The following NUP155 variants were observed in gnomAD, a reference collection of about 807,000 sequenced individuals.
The protein encoded by NUP155 is nucleoporin 155.
A neutral mutation model predicts 180.4 loss-of-function variants in NUP155; 71 were observed. That is an observed-to-expected ratio of 0.39 (90% CI 0.33 to 0.48). The LOEUF (loss-of-function observed/expected upper bound fraction) is 0.48. NUP155 is among the 20% of genes least tolerant of loss of function. The pLI is 0.91. For missense variants in NUP155, 1,553 were observed against 1,648.9 expected (o/e 0.94, Z 1.01); for synonymous variants, 582 against 559.5 (o/e 1.04, Z -0.57).
rs1561759197 is a variant in NUP155, at chr5:37,289,073, TA to T, written c.*2826del. ...GCAACAAGAGCAAAACTCAGTCTCA[TA>T]AAAAAGGCTGTGGTGAGCCAAGATT... On this transcript the variant is annotated 3_prime_UTR_variant, in exon 35 of 35. Transcript: ENST00000231498. 6.4e-6 allele frequency: 1 copy of T among 155,256 alleles called. No individual in the cohort carries two copies. Among genetic ancestry groups the T allele is most frequent in the East Asian group, 1.9e-4 (1 of 5,296 alleles). 9.6% of individuals were successfully genotyped at this position (155,256 alleles called of 1,614,324 possible).
At chr5:37,351,424 T>C (rs1047562803) in intron 5 of NUP155, 68 bp from the exon 6 acceptor site, 1 of 1,102,274 alleles carries the variant, frequency 9.1e-7, no homozygotes, top group African/African-American at 1.6e-5. Flanking sequence ...CTTTGCATTA[T>C]CATCAGAATC....
At chr5:37,338,518 T>C (rs1051233501) in intron 11 of NUP155, among the ~76,000 whole-genome samples, 4 of 150,806 alleles carry the variant, frequency 2.7e-5, no homozygotes, top group African/African-American at 7.3e-5. Context: ...GTCATTCTCC[T>C]GCCTCAGCCT....
chr5:37,355,654 C>T (rs1328448206), intron 4 of NUP155, among the ~76,000 whole-genome samples: 7 of 151,836 alleles, frequency 4.6e-5, no homozygotes, highest in East Asian at 1.9e-4. Flanking sequence ...TCTTGGCTCA[C>T]TGCACGCTCC....
rs141524015 is a variant in NUP155, at chr5:37,299,084, T to C, written c.3683-106A>G. On this transcript the variant is annotated intron_variant, in intron 31 of 34. Coordinates refer to ENST00000231498, the MANE Select transcript of NUP155 (RefSeq NM_153485.3). ...AAGGTTCAAAATACTTTAGAACAGA[T>C]AGTCACATTAATATGATTAACAGAT... 4.8e-4 allele frequency: 351 copies of C among 736,432 alleles called. 1 individual carries two copies. In the African/African-American group the frequency reaches 5.1e-3, roughly 11 times the overall value. The allele number at this position is 736,432 out of a possible 1,614,324, so 45.6% of individuals were successfully genotyped here. A position where few individuals can be genotyped will look rare whatever the true frequency, so the allele number is the denominator to read the frequency against.
chr5:37,322,952 G>A (rs1384316398), intron 20 of NUP155, among the ~76,000 whole-genome samples: 1 of 150,764 alleles, frequency 6.6e-6, no homozygotes, highest in African/African-American at 2.5e-5. Flanking sequence ...CAGCCTGGGC[G>A]ACAAGAGCGA....
rs776549626 is a variant in NUP155 at position 37,327,740 on chromosome 5, G to A, written c.1913C>T (p.Ala638Val). 1.2e-6 allele frequency: 2 copies of A among 1,614,060 alleles called. No individual in the cohort carries two copies. The highest frequency in any genetic ancestry group is 8.5e-7 in the Non-Finnish European group (1 of 1,179,992). Residue 638 changes from alanine (A) to valine (V), a missense_variant, in exon 18 of 35, where the codon GCT becomes GTT. Physicochemically the swap from Ala to Val is moderately conservative, Grantham distance 64 (BLOSUM62 0). Coordinates refer to ENST00000231498, the MANE Select transcript of NUP155 (RefSeq NM_153485.3). ...QPPAMSTPVC[A>V]LGNPATQATN... Reference sequence around the variant, plus strand: ...GGCCTGAGTTGCTGGGTTTCCCAGAGCACACACTGGAGTTGACATGGCAGG... The same window carrying A: ...GGCCTGAGTTGCTGGGTTTCCCAGAACACACACTGGAGTTGACATGGCAGG...
At chr5:37,354,085 A>C (rs551424794) in intron 4 of NUP155, among the ~76,000 whole-genome samples, 5 of 152,302 alleles carry the variant, frequency 3.3e-5, no homozygotes, top group Admixed American at 6.5e-5. Flanking sequence ...TGATAATAGT[A>C]TATAGCAATA....
chr5:37,328,532 C>A, intron 16 of NUP155, 112 bp from the exon 17 acceptor site: 1 of 775,788 alleles, frequency 1.3e-6, no homozygotes, highest in South Asian at 1.5e-5. Context: ...GAGGCAGGGT[C>A]TCTTTCTGTG....
chr5:37,366,191 C>G (rs903323331), intron 1 of NUP155, among the ~76,000 whole-genome samples: 19 of 152,170 alleles, frequency 1.2e-4, no homozygotes, highest in Non-Finnish European at 1.2e-4. Flanking sequence ...ACCCTTGCTC[C>G]CGGACAAGGC....
At chr5:37,331,211 A>G (rs1744939838) in intron 14 of NUP155, among the ~76,000 whole-genome samples, 1 of 152,118 alleles carries the variant, frequency 6.6e-6, no homozygotes, top group African/African-American at 2.4e-5. Flanking sequence ...TACAAGACTC[A>G]TATTAATCCT....
intron 9 of NUP155, among the ~76,000 whole-genome samples, chr5:37,345,364 C>T: frequency 6.6e-6 from 1 of 151,576 alleles, no homozygotes. Flanking sequence ...AAAAATTAGC[C>T]AGATGTGGTG....
chr5:37,365,231 C>A (rs1055893029), intron 1 of NUP155, among the ~76,000 whole-genome samples: 1 of 151,236 alleles, frequency 6.6e-6, no homozygotes. Context: ...TGCATTCCAG[C>A]CTGAGCGACA....
In NUP155 at chr5:37,330,124, C is replaced by T. The variant is rs150693015; in HGVS notation, c.1638G>A (p.Gln546=). Reference sequence around the variant, plus strand: ...CAAGAATAAGGCAAGTTGCACAAGCCTGGTCTTCCTGTGTAAAAAGAGGAA... The same window carrying T: ...CAAGAATAAGGCAAGTTGCACAAGCTTGGTCTTCCTGTGTAAAAAGAGGAA... The part of the protein sequence containing the change: ...ERFFKLHQED[Q]ACATCLILAC... Residue 546 remains glutamine (Q), a synonymous_variant, in exon 15 of 35, where the codon CAG becomes CAA. Coordinates refer to ENST00000231498, the MANE Select transcript of NUP155 (RefSeq NM_153485.3). 4 of 1,611,016 alleles carry T rather than the reference C, an allele frequency of 2.5e-6. No individual in the cohort carries two copies. In the African/African-American group the frequency reaches 5.3e-5, roughly 22 times the overall value.
chr5:37,343,098 G>T (rs367674253), intron 9 of NUP155, among the ~76,000 whole-genome samples: 1 of 149,636 alleles, frequency 6.7e-6, no homozygotes, highest in East Asian at 2.0e-4. Context: ...TTTTTGAGAC[G>T]GAGTCTTGCT....
At chr5:37,369,662 G>A (rs1561822023) in intron 1 of NUP155, among the ~76,000 whole-genome samples, 1 of 152,118 alleles carries the variant, frequency 6.6e-6, no homozygotes, top group African/African-American at 2.4e-5. Context: ...TAGCTGTAGG[G>A]AGCAAATACT....
chr5:37,299,400 C>A, intron 31 of NUP155, 48 bp downstream of exon 31: 1 of 1,610,388 alleles, frequency 6.2e-7, no homozygotes, highest in South Asian at 1.1e-5. Context: ...ATTCCTCCAC[C>A]AAGTCACTAC....
At chr5:37,313,356 G>A (rs546264260) in intron 22 of NUP155, among the ~76,000 whole-genome samples, 10 of 151,836 alleles carry the variant, frequency 6.6e-5, no homozygotes, top group Non-Finnish European at 1.5e-4. Context: ...GCTAGAACCC[G>A]GGAGGTGGAG....
intron 13 of NUP155, among the ~76,000 whole-genome samples, chr5:37,332,060 C>A (rs928171025): frequency 6.7e-6 from 1 of 149,958 alleles, no homozygotes; most frequent in African/African-American, 2.4e-5. Context: ...ATCTATATAT[C>A]TATAAAGAAA....
rs765468372 is a variant in NUP155, at chr5:37,294,479, A to G, written c.3794-14T>C. The G allele has an allele frequency of 2.4e-5, 38 of 1,612,688 alleles. No homozygotes were observed. Among genetic ancestry groups the G allele is most frequent in the South Asian group, 8.8e-5 (8 of 91,042 alleles). ...GTACAATAAAATCTGGGAAGAAAAA[A>G]AAAGATCGGAAATTTGGATTTTTAG... On this transcript the variant is annotated splice_polypyrimidine_tract_variant and intron_variant, in intron 32 of 34. Transcript: ENST00000231498.
Sources: allele counts gnomAD v4.1 joint callset (sites outside exome capture counted in the v4.1 genomes callset), GRCh38; gene constraint gnomAD v4.1.1; transcripts MANE v1.5; gene names NCBI Gene and HGNC (gene_info 2026-07-23, HGNC 2026-07-21).